The following TMEM117 variants were observed in gnomAD, a reference collection of about 807,000 sequenced individuals.
The protein encoded by TMEM117 is transmembrane protein 117.
A neutral mutation model predicts 52.4 loss-of-function variants in TMEM117; 27 were observed. The ratio of observed to expected loss-of-function variants is 0.51; its 90% CI spans 0.38 to 0.71. The LOEUF is 0.71. Among genes scored for constraint, TMEM117 ranks in the 30% least tolerant of loss-of-function variants. TMEM117 has a pLI of 0.00. For missense variants in TMEM117, 556 were observed against 630.5 expected (o/e 0.88, Z 1.26); for synonymous variants, 215 against 206.3 (o/e 1.04, Z -0.36).
chr12:44,183,946 C>T (rs1001414401), intron 4 of TMEM117, among the ~76,000 whole-genome samples: 2 of 152,132 alleles, frequency 1.3e-5, no homozygotes, highest in Admixed American at 1.3e-4. Context: ...CTAAACATGT[C>T]CCCCAGCATT....
At chr12:44,361,213 T>A (rs553160298) in intron 6 of TMEM117, among the ~76,000 whole-genome samples, 1 of 152,310 alleles carries the variant, frequency 6.6e-6, no homozygotes, top group East Asian at 1.9e-4. Context: ...GTTTTCAAAT[T>A]ATAGCAAAGA....
chr12:44,275,816 G>A (rs186694803), intron 5 of TMEM117, among the ~76,000 whole-genome samples: 134 of 152,090 alleles, frequency 8.8e-4, no homozygotes, highest in African/African-American at 3.0e-3. Context: ...TTGTGGGGGC[G>A]GGGAGGTGGG....
At chr12:44,203,302 T>C (rs998457754) in intron 4 of TMEM117, among the ~76,000 whole-genome samples, 1 of 152,226 alleles carries the variant, frequency 6.6e-6, no homozygotes, top group African/African-American at 2.4e-5. Flanking sequence ...GGGTCAGTGA[T>C]AATGTCCCTT....
At chr12:43,958,641 A>G (rs558875705) in intron 3 of TMEM117, among the ~76,000 whole-genome samples, 5 of 152,248 alleles carry the variant, frequency 3.3e-5, no homozygotes, top group Admixed American at 6.5e-5. Context: ...CCTTTTTGAT[A>G]AGCTTTAGTA....
intron 3 of TMEM117, among the ~76,000 whole-genome samples, chr12:43,946,640 A>G (rs1472606983): frequency 1.6e-4 from 24 of 152,184 alleles, no homozygotes; most frequent in Admixed American, 1.6e-3. Context: ...CATTTTGCAG[A>G]TCAAGAAACT....
At chr12:43,797,142 T>C in the TMEM117 span, 277 of 1,529,834 alleles carry the variant, frequency 1.8e-4, 4 homozygotes, top group South Asian at 2.5e-3. Flanking sequence ...TATCAATACA[T>C]AAACTTCATA....
intron 3 of TMEM117, among the ~76,000 whole-genome samples, chr12:44,051,637 A>G (rs1235409646): frequency 6.6e-6 from 1 of 152,212 alleles, no homozygotes; most frequent in Non-Finnish European, 1.5e-5. Flanking sequence ...ATGACAGTGG[A>G]AATCACACCA....
chr12:43,960,727 T>C (rs1458686028), intron 3 of TMEM117, among the ~76,000 whole-genome samples: 2 of 152,146 alleles, frequency 1.3e-5, no homozygotes. Context: ...GCAAATAAAA[T>C]ACTTGAATGT....
intron 5 of TMEM117, among the ~76,000 whole-genome samples, chr12:44,258,956 G>T (rs1174075826): frequency 6.6e-6 from 1 of 152,084 alleles, no homozygotes. Flanking sequence ...AATTCATTAA[G>T]AAAAAATATA....
intron 3 of TMEM117, among the ~76,000 whole-genome samples, chr12:43,946,367 G>T (rs1369535031): frequency 2.9e-5 from 4 of 135,890 alleles, no homozygotes; most frequent in South Asian, 4.9e-4. Flanking sequence ...GCTGACTTTT[G>T]ATATAATTCT....
chr12:44,270,189 C>G (rs1226371468), intron 5 of TMEM117, among the ~76,000 whole-genome samples: 1 of 152,014 alleles, frequency 6.6e-6, no homozygotes, highest in Non-Finnish European at 1.5e-5. Context: ...AATTTAAACT[C>G]CATATTTAAT....
At chr12:44,195,567 G>A (rs926664873) in intron 4 of TMEM117, among the ~76,000 whole-genome samples, 1 of 151,948 alleles carries the variant, frequency 6.6e-6, no homozygotes, top group African/African-American at 2.4e-5. Flanking sequence ...AAAACGTAAA[G>A]TAATAATGCC....
intron 3 of TMEM117, among the ~76,000 whole-genome samples, chr12:44,042,808 A>C (rs1555196313): frequency 2.0e-3 from 254 of 128,588 alleles, no homozygotes; most frequent in Admixed American, 2.6e-3. Flanking sequence ...ACACACACAC[A>C]CTTATTAGTT....
At chr12:44,052,266 T>C (rs955177715) in intron 3 of TMEM117, among the ~76,000 whole-genome samples, 6 of 152,154 alleles carry the variant, frequency 3.9e-5, no homozygotes, top group African/African-American at 9.7e-5. Context: ...AGAGGCCATA[T>C]CTCATGACTT....
At chr12:44,078,137 T>G (rs1475658226) in intron 3 of TMEM117, among the ~76,000 whole-genome samples, 1 of 152,220 alleles carries the variant, frequency 6.6e-6, no homozygotes, top group Non-Finnish European at 1.5e-5. Context: ...TTATCCAAAA[T>G]GTTTAATTTT....
intron 4 of TMEM117, among the ~76,000 whole-genome samples, chr12:44,203,754 G>A (rs953072962): frequency 6.6e-6 from 1 of 152,174 alleles, no homozygotes; most frequent in Middle Eastern, 3.4e-3. Context: ...TTAATTGTAT[G>A]GTTTTGATAC....
intron 3 of TMEM117, among the ~76,000 whole-genome samples, chr12:43,955,270 A>G (rs561755807): frequency 6.6e-6 from 1 of 152,306 alleles, no homozygotes; most frequent in South Asian, 2.1e-4. Flanking sequence ...CCTATTCAAC[A>G]TGGTGTTGGA....
rs11182369 is a variant in TMEM117, at chr12:44,001,037, C to G, written c.410+56695C>G. Among the ~76,000 whole-genome samples the G allele has an allele frequency of 1.4e-3, 220 of 152,270 alleles. 3 individuals are homozygous for G. The East Asian group carries it at 0.025, about 17-fold the overall frequency. ...AGAAGTGCTAGTTCATGAGTTCCTG[C>G]TCATGGAGACCCAGAGGTCTTCGAC... On this transcript the variant is annotated intron_variant, in intron 3 of 7. Transcript: ENST00000266534.
chr12:43,850,416 A>G (rs1056267126), intron 2 of TMEM117, among the ~76,000 whole-genome samples: 3 of 152,084 alleles, frequency 2.0e-5, no homozygotes, highest in Non-Finnish European at 2.9e-5. Context: ...CTCACTCCAA[A>G]CCTGATCTTT....
Sources: gnomAD v4.1 joint callset for allele counts (sites outside exome capture counted in the v4.1 genomes callset) on GRCh38, gnomAD v4.1.1 for gene constraint, MANE v1.5 for transcripts, NCBI Gene and HGNC (gene_info 2026-07-23, HGNC 2026-07-21) for gene names.